The following ZNRF2 variants were observed in gnomAD, a reference collection of about 807,000 sequenced individuals.
ZNRF2 encodes the protein zinc and ring finger 2.
In ZNRF2, 16 loss-of-function variants were observed where a neutral mutation model predicts 20.4. The ratio of observed to expected loss-of-function variants is 0.79; its 90% confidence interval spans 0.53 to 1.19. The LOEUF (loss-of-function observed/expected upper bound fraction) is 1.19, where lower values mean the gene tolerates loss of function less well. ZNRF2 is among the 50% of genes most tolerant of loss of function. The pLI is 0.00. For missense variants in ZNRF2, 363 were observed against 332.4 expected (o/e 1.09, Z -0.72); for synonymous variants, 178 against 144.9 (o/e 1.23, Z -1.64).
chr7:30,309,525 G>A lies in ZNRF2; in HGVS notation c.470-14117G>A, dbSNP rs559971494. Among the ~76,000 whole-genome samples, 6 of 152,276 alleles carry A rather than the reference G, an allele frequency of 3.9e-5. No homozygotes were observed. In the South Asian group the frequency reaches 1.2e-3, roughly 32 times the overall value. On this transcript the variant is annotated intron_variant, in intron 1 of 4. Transcript: ENST00000323037. ...AAACTTTCACATCTGTCAACCTTTT[G>A]CTGTGGTATTGTGCAGAGTTCACTA...
intron 1 of ZNRF2, among the ~76,000 whole-genome samples, chr7:30,302,237 C>G (rs375692908): frequency 6.6e-6 from 1 of 152,052 alleles, no homozygotes; most frequent in South Asian, 2.1e-4. Flanking sequence ...GTCTGTAAAC[C>G]CAAGCTGCAC....
intron 1 of ZNRF2, among the ~76,000 whole-genome samples, chr7:30,323,364 C>G (rs545478900): frequency 6.6e-6 from 1 of 152,178 alleles, no homozygotes; most frequent in Admixed American, 6.5e-5. Context: ...ACGAGAATAC[C>G]TGGACCAGTA....
intron 2 of ZNRF2, among the ~76,000 whole-genome samples, chr7:30,352,276 C>T (rs965536649): frequency 2.6e-5 from 4 of 151,860 alleles, no homozygotes; most frequent in South Asian, 2.1e-4. Context: ...TGATAGCAGT[C>T]GCATTTGTGA....
At chr7:30,295,050 A>AGAGAGAGTGAGTGT (rs1412764480) in intron 1 of ZNRF2, among the ~76,000 whole-genome samples, 1 of 38,238 alleles carries the variant, frequency 2.6e-5, no homozygotes, top group Non-Finnish European at 4.8e-5. Flanking sequence ...AGAGAGAGAG[A>AGAGAGAGTGAGTGT]GTGTGTGTGT....
intron 2 of ZNRF2, among the ~76,000 whole-genome samples, chr7:30,326,054 A>G (rs1051278218): frequency 6.6e-5 from 10 of 152,190 alleles, no homozygotes; most frequent in Non-Finnish European, 1.2e-4. Context: ...TAATATATTT[A>G]CACACAGTCT....
intron 2 of ZNRF2, among the ~76,000 whole-genome samples, chr7:30,350,663 A>G (rs1170440488): frequency 6.6e-6 from 1 of 152,020 alleles, no homozygotes; most frequent in Non-Finnish European, 1.5e-5. Flanking sequence ...AATATCTGAA[A>G]GTATTTATTA....
At chr7:30,344,209 A>C (rs1426674068) in intron 2 of ZNRF2, among the ~76,000 whole-genome samples, 4 of 149,802 alleles carry the variant, frequency 2.7e-5, no homozygotes, top group African/African-American at 9.8e-5. Flanking sequence ...GGCGTGAGCC[A>C]CTGCGCCCGG....
intron 1 of ZNRF2, among the ~76,000 whole-genome samples, chr7:30,286,832 C>T (rs1798798697): frequency 6.6e-6 from 1 of 152,178 alleles, no homozygotes; most frequent in Non-Finnish European, 1.5e-5. Context: ...AGCAACTGAG[C>T]ACAGATGAGC....
chr7:30,364,943 G>C (rs1800185986), intron 4 of ZNRF2, among the ~76,000 whole-genome samples: 1 of 152,004 alleles, frequency 6.6e-6, no homozygotes, highest in South Asian at 2.1e-4. Flanking sequence ...GCTCATTTAT[G>C]GCACCTTCTG....
intron 1 of ZNRF2, among the ~76,000 whole-genome samples, chr7:30,308,930 A>G (rs1465480399): frequency 6.6e-6 from 1 of 152,156 alleles, no homozygotes; most frequent in Non-Finnish European, 1.5e-5. Context: ...TAAAAACTTC[A>G]TATCTTCAGC....
chr7:30,287,934 G>C (rs751912072), intron 1 of ZNRF2, among the ~76,000 whole-genome samples: 9 of 152,202 alleles, frequency 5.9e-5, no homozygotes, highest in African/African-American at 2.2e-4. Context: ...AAAGACATCA[G>C]AGAAATTACC....
At chr7:30,328,070 G>A (rs1230649274) in intron 2 of ZNRF2, among the ~76,000 whole-genome samples, 1 of 152,110 alleles carries the variant, frequency 6.6e-6, no homozygotes, top group African/African-American at 2.4e-5. Context: ...TTACAGAGAG[G>A]TGGCAGGTTA....
chr7:30,316,377 T>C (rs1799377738), intron 1 of ZNRF2, among the ~76,000 whole-genome samples: 1 of 140,620 alleles, frequency 7.1e-6, no homozygotes, highest in African/African-American at 2.6e-5. Flanking sequence ...GTGGACTGAA[T>C]ATATGGTCCT....
chr7:30,303,234 G>T (rs1474879237), intron 1 of ZNRF2, among the ~76,000 whole-genome samples: 1 of 149,898 alleles, frequency 6.7e-6, no homozygotes, highest in Non-Finnish European at 1.5e-5. Flanking sequence ...CTGCACTCCA[G>T]CTTGGGCGAT....
Position 30,285,834 on chromosome 7 carries a change from C to A in ZNRF2, c.469+8C>A. 6.7e-7 allele frequency: 1 copy of A among 1,494,104 alleles called. No homozygotes were observed. The highest frequency in any genetic ancestry group is 1.3e-5 in the South Asian group (1 of 74,962). 92.6% of individuals were successfully genotyped at this position (1,494,104 alleles called of 1,614,324 possible). On this transcript the variant is annotated splice_region_variant and intron_variant, in intron 1 of 4. Transcript: ENST00000323037. ...CGCCGCACATGTTTGGAGGTACGGA[C>A]CCCTCTCCGCGCACCCGCGCTCGGT...
At chr7:30,337,737 A>G (rs1364147242) in intron 2 of ZNRF2, among the ~76,000 whole-genome samples, 1 of 151,830 alleles carries the variant, frequency 6.6e-6, no homozygotes, top group Non-Finnish European at 1.5e-5. Context: ...CTTCTTTATT[A>G]TAAATAAATT....
At chr7:30,330,237 A>G (rs1273535620) in intron 2 of ZNRF2, among the ~76,000 whole-genome samples, 1 of 152,210 alleles carries the variant, frequency 6.6e-6, no homozygotes, top group Non-Finnish European at 1.5e-5. Context: ...AACTTGAAAT[A>G]AAGTTGTCTT....
chr7:30,332,997 A>G (rs930539958), intron 2 of ZNRF2, among the ~76,000 whole-genome samples: 1 of 151,690 alleles, frequency 6.6e-6, no homozygotes, highest in Admixed American at 6.6e-5. Flanking sequence ...ATTCCCACCA[A>G]CAGTGTGTAA....
chr7:30,306,198 A>G (rs1261473988), intron 1 of ZNRF2, among the ~76,000 whole-genome samples: 1 of 152,214 alleles, frequency 6.6e-6, no homozygotes. Flanking sequence ...AAATTCTCCT[A>G]TCTGCAAGTT....
Sources: gnomAD v4.1 joint callset for allele counts (sites outside exome capture counted in the v4.1 genomes callset) on GRCh38, gnomAD v4.1.1 for gene constraint, MANE v1.5 for transcripts, NCBI Gene and HGNC (gene_info 2026-07-23, HGNC 2026-07-21) for gene names.